RFX3: variants seen among roughly 807,000 people sequenced by gnomAD.
The protein encoded by RFX3 is regulatory factor X3, also known as transcription factor RFX3.
Under a neutral mutation model 98.6 loss-of-function variants are expected in RFX3, and 14 were observed. The observed-to-expected ratio is 0.14, with a 90% CI of 0.09 to 0.22. The LOEUF is 0.22. Among genes scored for constraint, RFX3 ranks in the 10% least tolerant of loss-of-function variants. The probability of loss-of-function intolerance (pLI) is 1.00; values close to 1 mark genes in which losing one functional copy is unlikely to be tolerated. For missense variants in RFX3, 639 were observed against 926.9 expected (o/e 0.69, Z 4.03); for synonymous variants, 383 against 328.4 (o/e 1.17, Z -1.80).
intron 2 of RFX3, chr9:3,364,861 G>A (rs1836862410): frequency 6.6e-6 from 1 of 152,140 alleles, no homozygotes; most frequent in South Asian, 2.1e-4. Flanking sequence ...TATCTCATAA[G>A]TATTATTTAA....
intron 1 of RFX3, among the ~76,000 whole-genome samples, chr9:3,406,285 C>T (rs920539421): frequency 6.6e-6 from 1 of 151,728 alleles, no homozygotes; most frequent in African/African-American, 2.4e-5. Flanking sequence ...TTTGAACAGG[C>T]AGTTTCTTCT....
intron 4 of RFX3, among the ~76,000 whole-genome samples, chr9:3,310,704 G>C (rs1339540775): frequency 6.6e-6 from 1 of 152,166 alleles, no homozygotes. Flanking sequence ...ATGTGGGATT[G>C]ATGGATTTTC....
At chr9:3,346,826 T>A in intron 2 of RFX3, 62 bp from the exon 3 acceptor site, 1 of 969,292 alleles carries the variant, frequency 1.0e-6, no homozygotes, top group Non-Finnish European at 1.7e-6. Context: ...TACAGAGCAT[T>A]AGATCTATCT....
chr9:3,279,070 T>C (rs920245807), intron 7 of RFX3, among the ~76,000 whole-genome samples: 4 of 151,714 alleles, frequency 2.6e-5, no homozygotes, highest in Non-Finnish European at 5.9e-5. Flanking sequence ...AAATTTAATG[T>C]TTTTCTGATT....
At chr9:3,510,902 C>G (rs971560137) in intron 1 of RFX3, among the ~76,000 whole-genome samples, 1 of 151,818 alleles carries the variant, frequency 6.6e-6, no homozygotes, top group African/African-American at 2.4e-5. Context: ...AAGATGTTTC[C>G]TAATGTCAGT....
intron 3 of RFX3, among the ~76,000 whole-genome samples, chr9:3,340,343 G>T (rs1163662416): frequency 1.3e-5 from 2 of 152,114 alleles, no homozygotes; most frequent in African/African-American, 2.4e-5. Flanking sequence ...ATAAGCATGG[G>T]CAAGGACTTC....
intron 1 of RFX3, among the ~76,000 whole-genome samples, chr9:3,466,770 G>C (rs1189372164): frequency 6.6e-6 from 1 of 151,842 alleles, no homozygotes; most frequent in African/African-American, 2.4e-5. Context: ...ATCTACTGTG[G>C]TCAAATTATT....
At chr9:3,503,384 A>G (rs1421640064) in intron 1 of RFX3, among the ~76,000 whole-genome samples, 1 of 150,364 alleles carries the variant, frequency 6.7e-6, no homozygotes, top group Non-Finnish European at 1.5e-5. Context: ...ACTTAAATGT[A>G]TACACATTTA....
At chr9:3,465,901 C>T (rs1185602818) in intron 1 of RFX3, among the ~76,000 whole-genome samples, 2 of 151,874 alleles carry the variant, frequency 1.3e-5, no homozygotes, top group Admixed American at 6.6e-5. Context: ...AAGTGAAGGA[C>T]AGCATTCTTA....
Position 3,443,323 on chromosome 9 carries a change from A to G in RFX3, c.-8-47727T>C, listed in dbSNP as rs537153504. 7.4e-4 allele frequency among the ~76,000 whole-genome samples: 113 copies of G among 152,274 alleles called. 1 individual carries two copies. Among genetic ancestry groups the G allele is most frequent in the Middle Eastern group, 3.4e-3 (1 of 294 alleles). On this transcript the variant is annotated intron_variant, in intron 1 of 16. Transcript: ENST00000617270. The stretch of plus-strand genomic sequence containing the variant: ...CACCTAGATATTAAGCCCAGCATCC[A>G]TTAGCTATTCTTCCTGATGCCCTGC...
At chr9:3,241,780 G>A (rs958836754) in intron 15 of RFX3, among the ~76,000 whole-genome samples, 1 of 152,054 alleles carries the variant, frequency 6.6e-6, no homozygotes, top group Admixed American at 6.6e-5. Context: ...GTTCTTTTCC[G>A]GCAGATTTAG....
intron 1 of RFX3, among the ~76,000 whole-genome samples, chr9:3,412,839 G>A (rs570172007): frequency 2.0e-5 from 3 of 152,202 alleles, no homozygotes; most frequent in South Asian, 2.1e-4. Context: ...GTAAATTCAT[G>A]TTTCTTCCAA....
intron 1 of RFX3, among the ~76,000 whole-genome samples, chr9:3,524,868 CA>C (rs879759187): frequency 0.066 from 8,708 of 131,832 alleles, 687 homozygotes; most frequent in East Asian, 0.45. Flanking sequence ...CACACACACA[CA>C]CACACACACC....
chr9:3,488,768 G>A (rs1412103079), intron 1 of RFX3: 56 of 984,868 alleles, frequency 5.7e-5, no homozygotes, highest in Non-Finnish European at 6.1e-5. Flanking sequence ...ACTTTACAGA[G>A]GACTTACGCA....
At chr9:3,377,113 T>C (rs909789192) in intron 2 of RFX3, among the ~76,000 whole-genome samples, 1 of 152,218 alleles carries the variant, frequency 6.6e-6, no homozygotes, top group African/African-American at 2.4e-5. Flanking sequence ...CAAAGGATTA[T>C]AAATCATGCT....
At chr9:3,491,883 A>C (rs566565333) in intron 1 of RFX3, among the ~76,000 whole-genome samples, 3 of 152,338 alleles carry the variant, frequency 2.0e-5, no homozygotes, top group African/African-American at 7.2e-5. Flanking sequence ...ACATACAAAA[A>C]TTAAATATAT....
intron 3 of RFX3, among the ~76,000 whole-genome samples, chr9:3,344,162 A>G (rs753483171): frequency 6.6e-6 from 1 of 152,200 alleles, no homozygotes; most frequent in East Asian, 1.9e-4. Context: ...AAAACTGTAA[A>G]CAAATAATGA....
intron 4 of RFX3, among the ~76,000 whole-genome samples, chr9:3,316,778 AG>A (rs1190125583): frequency 6.6e-6 from 1 of 152,218 alleles, no homozygotes; most frequent in Admixed American, 6.5e-5. Context: ...ATTGCATCAA[AG>A]AGAATAAAAT....
chr9:3,432,394 G>T (rs1384904693), intron 1 of RFX3, among the ~76,000 whole-genome samples: 1 of 152,132 alleles, frequency 6.6e-6, no homozygotes, highest in African/African-American at 2.4e-5. Flanking sequence ...CCAGTAGAGA[G>T]AACGTCATGA....
Sources: gnomAD v4.1 joint callset for allele counts (sites outside exome capture counted in the v4.1 genomes callset) on GRCh38, gnomAD v4.1.1 for gene constraint, MANE v1.5 for transcripts, NCBI Gene and HGNC (gene_info 2026-07-23, HGNC 2026-07-21) for gene names.